The following MS4A6E variants were observed in gnomAD, a reference collection of about 807,000 sequenced individuals.
MS4A6E encodes the protein membrane-spanning 4-domains subfamily A member 6E.
Under a neutral mutation model 13.2 loss-of-function variants are expected in MS4A6E, and 8 were observed. The observed-to-expected ratio is 0.60, with a 90% confidence interval of 0.35 to 1.09. The LOEUF (loss-of-function observed/expected upper bound fraction) is 1.09, where lower values mean the gene tolerates loss of function less well. MS4A6E is among the 50% of genes least tolerant of loss of function. The pLI is 0.02. For missense variants in MS4A6E, 177 were observed against 171.1 expected, an observed-to-expected ratio of 1.03 and a Z score of -0.19; for synonymous variants, 72 against 67.6, an observed-to-expected ratio of 1.06 and a Z score of -0.32.
At position 60,340,773 on chromosome 11, in the gene MS4A6E, C is replaced by T. The variant is rs550782180; in HGVS notation, c.*10-3C>T. The T allele has an allele frequency of 2.9e-5, 6 of 204,864 alleles. No homozygotes were observed. The East Asian group carries it at 6.7e-4, about 23-fold the overall frequency. 12.7% of individuals were successfully genotyped at this position (204,864 alleles called of 1,614,324 possible). Reference sequence around the variant, plus strand: ...TCTAAAGTGTGCTTTTCCTGCCTCACAGTTACTCATGTCCTCAAAGACGAC... The same window carrying T: ...TCTAAAGTGTGCTTTTCCTGCCTCATAGTTACTCATGTCCTCAAAGACGAC... On this transcript the variant is annotated splice_polypyrimidine_tract_variant and splice_region_variant and intron_variant, in intron 4 of 4. Coordinates refer to ENST00000684409, the MANE Select transcript of MS4A6E (RefSeq NM_139249.4).
At chr11:60,340,049 A>C (rs555559664) in intron 4 of MS4A6E, 85 bp downstream of exon 4, 2 of 1,578,144 alleles carry the variant, frequency 1.3e-6, no homozygotes, top group African/African-American at 2.7e-5. Context: ...AGAGTGGTAG[A>C]AGGAACAATC....
intron 2 of MS4A6E, among the ~76,000 whole-genome samples, chr11:60,337,371 C>T (rs887503356): frequency 6.6e-5 from 10 of 152,040 alleles, no homozygotes; most frequent in African/African-American, 2.2e-4. Context: ...CTGAGTTGGC[C>T]GAGAGAGAAA....
At chr11:60,344,366 C>T (rs1442399257), downstream of MS4A6E, among the ~76,000 whole-genome samples, 1 of 152,202 alleles carries the variant, frequency 6.6e-6, no homozygotes, top group East Asian at 1.9e-4. Context: ...TGCCAGTCCT[C>T]CCCTGGATAG....
downstream of MS4A6E, among the ~76,000 whole-genome samples, chr11:60,343,245 G>GT (rs1306178317): frequency 5.3e-5 from 8 of 152,320 alleles, no homozygotes; most frequent in African/African-American, 1.9e-4. Context: ...TGCCAGTGGA[G>GT]TTTGATACCT....
At chr11:60,348,667 C>A (rs1365771987) in intron 4 of MS4A6E, among the ~76,000 whole-genome samples, 1 of 152,180 alleles carries the variant, frequency 6.6e-6, no homozygotes, top group African/African-American at 2.4e-5. Flanking sequence ...GGCGAGAAAT[C>A]CTCATTTGCT....
At chr11:60,345,060 G>A (rs772270519), downstream of MS4A6E, among the ~76,000 whole-genome samples, 5 of 151,712 alleles carry the variant, frequency 3.3e-5, no homozygotes, top group Non-Finnish European at 4.4e-5. Context: ...TCAGCCTCCC[G>A]AGTAGCTGGG....
intron 2 of MS4A6E, chr11:60,335,759 A>T (rs2085185072): frequency 3.1e-6 from 1 of 325,354 alleles, no homozygotes. Flanking sequence ...GGTCTAGGAA[A>T]CTTCTTGGTA....
At chr11:60,328,381 A>G (rs2085133026) in intron 1 of MS4A6E, among the ~76,000 whole-genome samples, 1 of 152,190 alleles carries the variant, frequency 6.6e-6, no homozygotes, top group Non-Finnish European at 1.5e-5. Context: ...AGAAATATAT[A>G]TGTGTAGGTA....
chr11:60,340,093 A>AC lies in MS4A6E; in HGVS notation c.*9+129_*9+130insC. On this transcript the variant is annotated intron_variant, in intron 4 of 4. Coordinates refer to ENST00000684409, the MANE Select transcript of MS4A6E (RefSeq NM_139249.4). ...ATGAGATACACATGGGAGGTCATTTAAATGGTGATGGAAGACCGAGAAGAA... is the reference window on the plus strand; with the variant it reads ...ATGAGATACACATGGGAGGTCATTTACAATGGTGATGGAAGACCGAGAAGAA... The AC allele has an allele frequency of 5.8e-6, 8 of 1,382,936 alleles. No individual in the cohort carries two copies. In the South Asian group the frequency reaches 1.0e-4, roughly 18 times the overall value. 85.7% of individuals were successfully genotyped at this position (1,382,936 alleles called of 1,614,324 possible). A position where few individuals can be genotyped will look rare whatever the true frequency, so the allele number is the denominator to read the frequency against.
At chr11:60,346,891 A>G (rs1273059484) in intron 4 of MS4A6E, among the ~76,000 whole-genome samples, 1 of 152,228 alleles carries the variant, frequency 6.6e-6, no homozygotes, top group Non-Finnish European at 1.5e-5. Context: ...GCTTAGAAGC[A>G]GCATAACATC....
At chr11:60,335,234 C>T (rs1414959545) in intron 2 of MS4A6E, among the ~76,000 whole-genome samples, 192 bp downstream of exon 2, 1 of 152,026 alleles carries the variant, frequency 6.6e-6, no homozygotes, top group Non-Finnish European at 1.5e-5. Context: ...ACGTTTTTTC[C>T]CTTATTCTGA....
intron 3 of MS4A6E, chr11:60,338,580 A>C (rs746226151): frequency 2.6e-5 from 4 of 152,254 alleles, no homozygotes; most frequent in Non-Finnish European, 4.4e-5. Context: ...ACTGAGAATT[A>C]TCGCAGGAGA....
intron 1 of MS4A6E, 52 bp from the exon 2 acceptor site, chr11:60,334,830 G>A (rs2135058546): frequency 6.3e-7 from 1 of 1,587,960 alleles, no homozygotes; most frequent in Non-Finnish European, 8.6e-7. Flanking sequence ...TTTGCAGCCA[G>A]AACTTGGGAG....
chr11:60,340,592 C>T (rs1008021373), intron 4 of MS4A6E, among the ~76,000 whole-genome samples, 184 bp from the exon 5 acceptor site: 2 of 152,156 alleles, frequency 1.3e-5, no homozygotes, highest in Non-Finnish European at 2.9e-5. Context: ...TAGAAGAATA[C>T]TAGACTGATA....
chr11:60,337,814 A>G lies in MS4A6E; in HGVS notation c.221A>G (p.Asn74Ser). The change falls in exon 3 of 5, where the codon AAC becomes AGC. Residue 74 changes from asparagine (N) to serine (S), a missense_variant. Physicochemically the swap from Asn to Ser is conservative, Grantham distance 46 (BLOSUM62 1). Transcript: ENST00000684409. ...ALVGFILLSV[N>S]PAALNPASLQ... ...GTGGGTTTCATTCTCCTGTCTGTCA[A>G]CCCGGCTGCATTAAATCCTGCCTCA... 4.3e-6 allele frequency: 7 copies of G among 1,614,158 alleles called. No individual in the cohort carries two copies. Among genetic ancestry groups the G allele is most frequent in the Non-Finnish European group, 5.9e-6 (7 of 1,180,036 alleles).
At position 60,335,226 on chromosome 11, in the gene MS4A6E, G is replaced by A. The variant is rs189655210; in HGVS notation, c.147+184G>A. On this transcript the variant is annotated intron_variant, in intron 2 of 4. Transcript: ENST00000684409. Reference sequence around the variant, plus strand: ...TTCCACAGGAGATTGTCTTAGAAACGTTTTTTCCCTTATTCTGAATATGAG... The same window carrying A: ...TTCCACAGGAGATTGTCTTAGAAACATTTTTTCCCTTATTCTGAATATGAG... Among the ~76,000 whole-genome samples, 572 of 152,192 alleles carry A rather than the reference G, an allele frequency of 3.8e-3. 6 individuals carry two copies. The highest frequency in any genetic ancestry group is 0.013 in the African/African-American group (530 of 41,500).
downstream of MS4A6E, among the ~76,000 whole-genome samples, chr11:60,344,259 A>G (rs1442844549): frequency 1.3e-5 from 2 of 152,162 alleles, no homozygotes; most frequent in Non-Finnish European, 1.5e-5. Flanking sequence ...CCTTTTCTGT[A>G]TGGCATGAAA....
At position 60,337,951 on chromosome 11, in the gene MS4A6E, A is replaced by T. The variant is rs756301045; in HGVS notation, c.354+4A>T. 6.2e-7 allele frequency: 1 copy of T among 1,611,450 alleles called. No homozygotes were observed. Among genetic ancestry groups the T allele is most frequent in the Non-Finnish European group, 8.5e-7 (1 of 1,177,950 alleles). On this transcript the variant is annotated splice_donor_region_variant and intron_variant, in intron 3 of 4. Transcript: ENST00000684409. ...TAGAGCCAAAGCCAGTCTGGCTGTAAGTATTTTTTAGATGGGATGTTCTAA... is the reference window on the plus strand; with the variant it reads ...TAGAGCCAAAGCCAGTCTGGCTGTATGTATTTTTTAGATGGGATGTTCTAA...
downstream of MS4A6E, among the ~76,000 whole-genome samples, chr11:60,341,847 T>C (rs1003265909): frequency 1.2e-4 from 19 of 152,182 alleles, no homozygotes; most frequent in Admixed American, 1.2e-3. Context: ...CCCTGTCCTT[T>C]GCACCCCCCA....
Sources: gnomAD v4.1 joint callset for allele counts (sites outside exome capture counted in the v4.1 genomes callset) on GRCh38, gnomAD v4.1.1 for gene constraint, MANE v1.5 for transcripts, NCBI Gene and HGNC (gene_info 2026-07-23, HGNC 2026-07-21) for gene names.